Variants in ZNF658 observed in about 807,000 individuals in gnomAD.
ZNF658 encodes zinc finger protein 658.
Under a neutral mutation model 78.0 loss-of-function variants are expected in ZNF658, and 46 were observed. That is an observed-to-expected ratio of 0.59 (90% confidence interval 0.47 to 0.75). The LOEUF is 0.75. Among genes scored for constraint, ZNF658 ranks in the 30% least tolerant of loss-of-function variants. The probability of loss-of-function intolerance (pLI) is 0.00; values close to 1 mark genes in which losing one functional copy is unlikely to be tolerated. For synonymous variants in ZNF658, 279 were observed against 408.4 expected (o/e 0.68, Z 3.82); for missense variants, 785 against 1,189.3 (o/e 0.66, Z 5.00).
chr9:66,914,616 G>C (rs1354051167), intron 4 of ZNF658, among the ~76,000 whole-genome samples: 2 of 151,970 alleles, frequency 1.3e-5, no homozygotes, highest in African/African-American at 4.8e-5. Context: ...TTAATAAATG[G>C]ATTTTGAATT....
Position 66,920,284 on chromosome 9 carries a change from G to A in ZNF658, c.2718G>A (p.Gly906=). The A allele has an allele frequency of 1.2e-6, 2 of 1,613,834 alleles. No individual in the cohort carries two copies. Among genetic ancestry groups the A allele is most frequent in the South Asian group, 1.1e-5 (1 of 91,062 alleles). ...HLRAHLRTRS[G]EKPYECSECG... Reference sequence around the variant, plus strand: ...GAGCACATCTTAGAACTCGCTCAGGGGAGAAACCCTATGAATGCAGTGAAT... The same window carrying A: ...GAGCACATCTTAGAACTCGCTCAGGAGAGAAACCCTATGAATGCAGTGAAT... The change falls in exon 5 of 5, where the codon GGG becomes GGA. Residue 906 remains glycine, a synonymous_variant. Coordinates refer to ENST00000621410, the MANE Select transcript of ZNF658 (RefSeq NM_033160.7).
At position 66,918,668 on chromosome 9, in the gene ZNF658, T is replaced by C; in HGVS notation, c.1102T>C (p.Phe368Leu). Residue 368 changes from phenylalanine (F) to leucine (L), a missense_variant, in exon 5 of 5, where the codon TTT becomes CTT. Coordinates refer to ENST00000621410, the MANE Select transcript of ZNF658 (RefSeq NM_033160.7). ...CTDALYQKLD[F>L]TAHQRIHTED... ...AGATGCCCTCTACCAGAAATTAGAC[T>C]TTACAGCACATCAGAGAATTCACAC... 1 of 1,613,842 alleles carries C rather than the reference T, an allele frequency of 6.2e-7. No homozygotes were observed. The highest frequency in any genetic ancestry group is 8.5e-7 in the Non-Finnish European group (1 of 1,179,842).
chr9:66,928,620 A>G (rs1460230347), intron 6 of ZNF658, among the ~76,000 whole-genome samples: 2 of 151,888 alleles, frequency 1.3e-5, no homozygotes, highest in Non-Finnish European at 2.9e-5. Flanking sequence ...TGGGAGGCCA[A>G]CGCGGACAGA....
chr9:66,914,520 C>G lies in ZNF658; in HGVS notation c.239-3285C>G, dbSNP rs1822288322. Among the ~76,000 whole-genome samples, 3 of 152,004 alleles carry G rather than the reference C, an allele frequency of 2.0e-5. No homozygotes were observed. The South Asian group carries it at 6.2e-4, about 32-fold the overall frequency. On this transcript the variant is annotated intron_variant, in intron 4 of 4. Transcript: ENST00000621410. ...AGCTACTGGTAGTGGGCATCTTTGT[C>G]TTTTTCCTGATCTTAGAGGGAAGAC...
intron 2 of ZNF658, among the ~76,000 whole-genome samples, chr9:66,904,204 A>T (rs1265139576): frequency 2.0e-5 from 3 of 151,724 alleles, no homozygotes; most frequent in Admixed American, 6.6e-5. Flanking sequence ...TCAACTCTCC[A>T]TGGGATGCCT....
At chr9:66,929,320 C>A (rs1822617257) in intron 6 of ZNF658, among the ~76,000 whole-genome samples, 1 of 138,464 alleles carries the variant, frequency 7.2e-6, no homozygotes. Context: ...CTTATAACCC[C>A]CAGGTCTTAC....
downstream of ZNF658, among the ~76,000 whole-genome samples, chr9:66,925,527 G>T (rs1300602028): frequency 6.6e-6 from 1 of 151,998 alleles, no homozygotes; most frequent in East Asian, 1.9e-4. Context: ...AACCTACCAA[G>T]AGTGCATCAT....
At chr9:66,909,214 C>T (rs1247725170) in intron 4 of ZNF658, among the ~76,000 whole-genome samples, 3 of 152,136 alleles carry the variant, frequency 2.0e-5, no homozygotes, top group Non-Finnish European at 4.4e-5. Flanking sequence ...ATTTTCATCA[C>T]CTCAAACATA....
intron 6 of ZNF658, among the ~76,000 whole-genome samples, chr9:66,927,417 G>A (rs1188536917): frequency 6.6e-6 from 1 of 152,056 alleles, no homozygotes; most frequent in East Asian, 1.9e-4. Context: ...ACACGATGGT[G>A]CATTTACTAT....
chr9:66,918,495 C>A lies in ZNF658; in HGVS notation c.929C>A (p.Ser310Ter). 1 of 1,605,962 alleles carries A rather than the reference C, an allele frequency of 6.2e-7. No individual in the cohort carries two copies. The highest frequency in any genetic ancestry group is 8.5e-7 in the Non-Finnish European group (1 of 1,173,378). The change falls in exon 5 of 5, where the codon TCA becomes TAA. Residue 310 changes from serine (S) to a stop codon, truncating the protein, a stop_gained. Coordinates refer to ENST00000621410, the MANE Select transcript of ZNF658 (RefSeq NM_033160.7). LOFTEE classifies it high-confidence loss of function. Reference protein sequence around the residue: ...NERGINFSRKSPLTQSQRTIT... With the variant: ...NERGINFSRK ...AGGGGGATTAATTTCAGTAGGAAGT[C>A]ACCCCTCACTCAATCTCAGAGAACT...
intron 4 of ZNF658, among the ~76,000 whole-genome samples, chr9:66,914,482 C>A (rs1488471528): frequency 6.6e-6 from 1 of 151,766 alleles, no homozygotes; most frequent in African/African-American, 2.4e-5. Context: ...CCTTCCAGTG[C>A]AATCTTGTGT....
rs376837712 is a variant in ZNF658, at chr9:66,908,239, C to T, written c.17C>T (p.Ala6Val). The T allele has an allele frequency of 1.2e-6, 2 of 1,613,998 alleles. No individual in the cohort carries two copies. Among genetic ancestry groups the T allele is most frequent in the Non-Finnish European group, 1.7e-6 (2 of 1,179,970 alleles). ...TTGTTGTGATAAATGTTGTTACAGG[C>T]ATCAGTGTCATTCCAGGACGTGACT... MNMSQ[A>V]SVSFQDVTVE... is the part of the protein sequence containing the mutation. The change falls in exon 3 of 5, where the codon GCA becomes GTA. Residue 6 changes from alanine to valine, a missense_variant and splice_region_variant. Physicochemically the swap from Ala to Val is moderately conservative, Grantham distance 64. Around this residue, in one of 12 missense-constraint regions of ZNF658, gnomAD observed 79 missense variants for 96.5 expected, o/e 0.82. Transcript: ENST00000621410.
At position 66,917,981 on chromosome 9, in the gene ZNF658, T is replaced by A. The variant is rs200245850; in HGVS notation, c.415T>A (p.Cys139Ser). The change falls in exon 5 of 5, where the codon TGT becomes AGT. Residue 139 changes from cysteine (C) to serine (S), a missense_variant. By Grantham distance (112) the Cys-to-Ser change is moderately radical (BLOSUM62 -1). This residue lies in a region of ZNF658 where 54 missense variants were observed against 48.9 expected (regional missense o/e 1.10). Transcript: ENST00000621410. The part of the protein sequence containing the change: ...PELSEKISCK[C>S]DSHRMNLPVA... The stretch of plus-strand genomic sequence containing the variant: ...GCTTTCAGAAAAAATATCCTGTAAA[T>A]GTGACTCACACAGAATGAATTTGCC... 5 of 1,602,112 alleles carry A rather than the reference T, an allele frequency of 3.1e-6. No homozygotes were observed. The highest frequency in any genetic ancestry group is 2.2e-5 in the East Asian group (1 of 44,734).
At position 66,928,906 on chromosome 9, in the gene ZNF658, C is replaced by T. The variant is rs545169693; in HGVS notation, c.*55-3119C>T. Among the ~76,000 whole-genome samples, 19 of 146,654 alleles carry T rather than the reference C, an allele frequency of 1.3e-4. No homozygotes were observed. The South Asian group carries it at 3.9e-3, about 30-fold the overall frequency. Reference sequence around the variant, plus strand: ...TAATGATAGTTTCCTGTGTTTTACACGTGTCAAATACTATCACACTGTACA... The same window carrying T: ...TAATGATAGTTTCCTGTGTTTTACATGTGTCAAATACTATCACACTGTACA... On this transcript the variant is annotated intron_variant and NMD_transcript_variant, in intron 6 of 6. Transcript: ENST00000622180.
At chr9:66,922,423 G>A (rs184962425), downstream of ZNF658, among the ~76,000 whole-genome samples, 1,483 of 147,312 alleles carry the variant, frequency 0.01, 23 homozygotes, top group African/African-American at 0.036. Context: ...CATCTTCTGC[G>A]TCACTCACGC....
Position 66,900,792 on chromosome 9 carries a change from T to A in ZNF658, c.-89T>A, listed in dbSNP as rs1214283596. The A allele has an allele frequency of 2.0e-5, 3 of 152,290 alleles. No individual in the cohort carries two copies. The highest frequency in any genetic ancestry group is 4.4e-5 in the Non-Finnish European group (3 of 68,094). The allele number at this position is 152,290 out of a possible 1,614,324, so 9.4% of individuals were successfully genotyped here. Reference sequence around the variant, plus strand: ...TCCCGGGCCTGAAAGGGACACGGTGTCCGAGTCTTTAGGTCTGCGCGGGAG... The same window carrying A: ...TCCCGGGCCTGAAAGGGACACGGTGACCGAGTCTTTAGGTCTGCGCGGGAG... On this transcript the variant is annotated 5_prime_UTR_variant, in exon 1 of 5. Coordinates refer to ENST00000621410, the MANE Select transcript of ZNF658 (RefSeq NM_033160.7).
intron 4 of ZNF658, among the ~76,000 whole-genome samples, chr9:66,915,061 A>G (rs1440033472): frequency 2.2e-5 from 2 of 88,900 alleles, no homozygotes; most frequent in Non-Finnish European, 4.9e-5. Flanking sequence ...TTGCACACAC[A>G]CACACACACA....
At chr9:66,905,224 C>T (rs1188980585) in intron 2 of ZNF658, among the ~76,000 whole-genome samples, 1 of 151,324 alleles carries the variant, frequency 6.6e-6, no homozygotes, top group African/African-American at 2.4e-5. Context: ...TCCAGACATT[C>T]ACCACCATGT....
chr9:66,907,800 A>G (rs1392056177), intron 2 of ZNF658, among the ~76,000 whole-genome samples: 1 of 152,128 alleles, frequency 6.6e-6, no homozygotes, highest in African/African-American at 2.4e-5. Flanking sequence ...CTTTGGTTAC[A>G]ACTATTATAG....
Sources: allele counts gnomAD v4.1 joint callset (sites outside exome capture counted in the v4.1 genomes callset), GRCh38; gene constraint gnomAD v4.1.1; regional missense constraint gnomAD v4.1.1; transcripts MANE v1.5; gene names NCBI Gene and HGNC (gene_info 2026-07-23, HGNC 2026-07-21).